Variants in ZNF236 observed in about 807,000 individuals in gnomAD.
ZNF236 encodes the protein regulated by glucose.
A neutral mutation model predicts 191.2 loss-of-function variants in ZNF236; 50 were observed. The observed-to-expected ratio is 0.26, with a 90% CI of 0.21 to 0.33. ZNF236 has a LOEUF of 0.33. Ranked by LOEUF, ZNF236 falls within the 10% of genes least tolerant of loss-of-function variation. ZNF236 has a pLI of 1.00. For synonymous variants in ZNF236, 907 were observed against 928.8 expected (o/e 0.98, Z 0.43); for missense variants, 1,754 against 2,374.5 (o/e 0.74, Z 5.43).
intron 2 of ZNF236, 93 bp from the exon 3 acceptor site, chr18:76,851,682 A>G: frequency 1.5e-6 from 2 of 1,368,794 alleles, no homozygotes; most frequent in South Asian, 3.2e-5. Context: ...GATTGTCTGT[A>G]CATTATGGTA....
intron 16 of ZNF236, among the ~76,000 whole-genome samples, chr18:76,911,288 A>C (rs1967210836): frequency 9.8e-6 from 1 of 102,430 alleles, no homozygotes; most frequent in Admixed American, 1.1e-4. Context: ...CTGCTTTTGG[A>C]AATTTCTTAA....
chr18:76,906,753 A>G (rs1024791651), intron 13 of ZNF236, among the ~76,000 whole-genome samples: 8 of 152,172 alleles, frequency 5.3e-5, no homozygotes, highest in Admixed American at 6.5e-5. Flanking sequence ...TAGGAGATGA[A>G]TGTAGAGCTT....
intron 1 of ZNF236, among the ~76,000 whole-genome samples, chr18:76,836,394 A>G (rs1291274090): frequency 3.5e-5 from 5 of 143,436 alleles, no homozygotes; most frequent in Admixed American, 2.8e-4. Context: ...CTAAATTTTT[A>G]TGTTTTATTT....
chr18:76,920,208 T>C, intron 20 of ZNF236, 150 bp downstream of exon 20: 1 of 946,946 alleles, frequency 1.1e-6, no homozygotes, highest in Admixed American at 2.8e-5. Flanking sequence ...GAATGTATGG[T>C]TTTAAGCTTG....
intron 3 of ZNF236, among the ~76,000 whole-genome samples, chr18:76,866,763 T>A (rs1043650299): frequency 6.6e-6 from 1 of 152,176 alleles, no homozygotes; most frequent in Admixed American, 6.5e-5. Context: ...GGCCTGTGAC[T>A]ATACATGGGG....
chr18:76,843,915 C>T (rs547855592), intron 1 of ZNF236, among the ~76,000 whole-genome samples: 3 of 149,320 alleles, frequency 2.0e-5, no homozygotes, highest in East Asian at 2.0e-4. Context: ...CAGTGGTTCA[C>T]GCCTGTAATA....
At chr18:76,845,255 A>AT (rs1250725043) in intron 1 of ZNF236, among the ~76,000 whole-genome samples, 1 of 152,178 alleles carries the variant, frequency 6.6e-6, no homozygotes, top group African/African-American at 2.4e-5. Context: ...AACAGTGGTC[A>AT]TATTTTTATG....
chr18:76,953,006 T>C (rs1010825963), intron 27 of ZNF236, among the ~76,000 whole-genome samples: 1 of 152,150 alleles, frequency 6.6e-6, no homozygotes, highest in African/African-American at 2.4e-5. Context: ...CGCTCTCTGG[T>C]GAAGTCCCTA....
intron 7 of ZNF236, among the ~76,000 whole-genome samples, chr18:76,878,531 T>C (rs1041393090): frequency 6.6e-6 from 1 of 152,202 alleles, no homozygotes; most frequent in Non-Finnish European, 1.5e-5. Flanking sequence ...CTTTGGACTT[T>C]TGAAACTAAA....
intron 27 of ZNF236, among the ~76,000 whole-genome samples, chr18:76,949,000 C>T (rs1968341115): frequency 6.6e-6 from 1 of 152,188 alleles, no homozygotes; most frequent in African/African-American, 2.4e-5. Context: ...GGGAGCTGAT[C>T]AGGGGCACTG....
chr18:76,823,712 A>C (rs986585374), intron 1 of ZNF236, among the ~76,000 whole-genome samples: 2 of 152,252 alleles, frequency 1.3e-5, no homozygotes, highest in African/African-American at 4.8e-5. Flanking sequence ...TCCAGCAGTC[A>C]GGAATTGACT....
intron 7 of ZNF236, among the ~76,000 whole-genome samples, chr18:76,879,396 C>T (rs956660120): frequency 6.6e-6 from 1 of 152,088 alleles, no homozygotes; most frequent in Non-Finnish European, 1.5e-5. Context: ...GTGCATCGGT[C>T]GGGTACATTT....
At chr18:76,840,023 A>G (rs1030165486) in intron 1 of ZNF236, among the ~76,000 whole-genome samples, 2 of 152,224 alleles carry the variant, frequency 1.3e-5, no homozygotes, top group African/African-American at 4.8e-5. Flanking sequence ...AGGTAAGGCT[A>G]TAGACACTTG....
chr18:76,905,913 G>A (rs1343803171), intron 13 of ZNF236, among the ~76,000 whole-genome samples: 7 of 152,182 alleles, frequency 4.6e-5, no homozygotes, highest in Admixed American at 3.3e-4. Context: ...AGGCTAGCTC[G>A]TCTCTATGTG....
At chr18:76,914,297 T>C (rs1019525732) in intron 18 of ZNF236, among the ~76,000 whole-genome samples, 1 of 152,244 alleles carries the variant, frequency 6.6e-6, no homozygotes, top group Admixed American at 6.5e-5. Context: ...TTGTAGGATA[T>C]GCCACGTCTT....
In ZNF236 at chr18:76,915,841, G is replaced by A. The variant is rs1967347624; in HGVS notation, c.3256G>A (p.Gly1086Arg). The A allele has an allele frequency of 1.4e-5, 23 of 1,613,102 alleles. No homozygotes were observed. Among genetic ancestry groups the A allele is most frequent in the Non-Finnish European group, 2.0e-5 (23 of 1,179,054 alleles). ...AGTCCCCTCTGCTGTGTCAGCCACT[G>A]GAGAGACAGAAGGAGGAGGTATTTT... ...QTVPSAVSAT[G>R]ETEGGDICME... The change falls in exon 19 of 31, where the codon GGA (glycine) becomes AGA (arginine). Residue 1086 changes from glycine (G) to arginine (R), a missense_variant. Physicochemically the swap from Gly to Arg is moderately radical, Grantham distance 125. Coordinates refer to ENST00000320610, the MANE Select transcript of ZNF236 (RefSeq NM_001306089.2).
At chr18:76,923,511 T>C (rs1175452468) in intron 21 of ZNF236, among the ~76,000 whole-genome samples, 1 of 152,262 alleles carries the variant, frequency 6.6e-6, no homozygotes, top group African/African-American at 2.4e-5. Flanking sequence ...TTGTAAAACC[T>C]GGCACTTAGC....
intron 28 of ZNF236, among the ~76,000 whole-genome samples, chr18:76,957,039 A>G (rs1275342212): frequency 6.6e-6 from 1 of 152,178 alleles, no homozygotes; most frequent in African/African-American, 2.4e-5. Flanking sequence ...TAGCCTGCGA[A>G]ATTTCTGACC....
intron 30 of ZNF236, among the ~76,000 whole-genome samples, chr18:76,961,546 A>G (rs1968668711): frequency 6.6e-6 from 1 of 152,126 alleles, no homozygotes; most frequent in South Asian, 2.1e-4. Context: ...AATGAAAAAG[A>G]TTCTACTTAT....
Sources: gnomAD v4.1 joint callset for allele counts (sites outside exome capture counted in the v4.1 genomes callset) on GRCh38, gnomAD v4.1.1 for gene constraint, MANE v1.5 for transcripts, NCBI Gene and HGNC (gene_info 2026-07-23, HGNC 2026-07-21) for gene names.